TANGO6: variants seen among roughly 807,000 people sequenced by gnomAD.
The protein encoded by TANGO6 is transport and Golgi organization protein 6 homolog.
In TANGO6, 90 loss-of-function variants were observed where a neutral mutation model predicts 114.2. The ratio of observed to expected loss-of-function variants is 0.79; its 90% confidence interval spans 0.66 to 0.94. TANGO6 has a LOEUF of 0.94. TANGO6 is among the 40% of genes least tolerant of loss of function. The pLI, the probability that TANGO6 is intolerant of heterozygous loss-of-function variation, is 0.00. For synonymous variants in TANGO6, 477 were observed against 509.8 expected, an observed-to-expected ratio of 0.94 and a Z score of 0.87; for missense variants, 1,274 against 1,315.3, an observed-to-expected ratio of 0.97 and a Z score of 0.49.
intron 1 of TANGO6, among the ~76,000 whole-genome samples, chr16:68,856,454 G>A (rs1346247329): frequency 6.6e-6 from 1 of 152,174 alleles, no homozygotes; most frequent in Non-Finnish European, 1.5e-5. Flanking sequence ...TGGTAATGAA[G>A]TATTATTCTT....
intron 17 of TANGO6, among the ~76,000 whole-genome samples, chr16:69,043,818 A>G (rs1347963998): frequency 1.3e-5 from 2 of 152,156 alleles, no homozygotes; most frequent in African/African-American, 4.8e-5. Flanking sequence ...ACCATCTCCC[A>G]AGCTATAGAG....
intron 7 of TANGO6, among the ~76,000 whole-genome samples, chr16:68,898,828 C>T (rs866834530): frequency 6.6e-5 from 10 of 152,172 alleles, no homozygotes; most frequent in Middle Eastern, 3.4e-3. Context: ...TATCACTGTC[C>T]ATACTATCAG....
intron 7 of TANGO6, among the ~76,000 whole-genome samples, chr16:68,887,567 A>G (rs1962555563): frequency 6.6e-6 from 1 of 152,126 alleles, no homozygotes; most frequent in South Asian, 2.1e-4. Flanking sequence ...AAAGGGAAGG[A>G]TTGCATATTA....
rs1399688762 is a variant in TANGO6 at position 69,075,811 on chromosome 16, G to A, written c.3109-7674G>A. Among the ~76,000 whole-genome samples the A allele has an allele frequency of 2.7e-5, 4 of 148,782 alleles. No homozygotes were observed. The Admixed American group carries it at 2.7e-4, about 10-fold the overall frequency. ...ACAGAGTCTCACTCTGTGTTACCCG[G>A]ACTGGAGTACAGTGGCTCAGTCTCA... is the stretch of plus-strand genomic sequence containing the variant. On this transcript the variant is annotated intron_variant, in intron 17 of 17. Coordinates refer to ENST00000261778, the MANE Select transcript of TANGO6 (RefSeq NM_024562.2).
At chr16:68,923,870 T>G (rs1381570673) in intron 12 of TANGO6, among the ~76,000 whole-genome samples, 2 of 152,204 alleles carry the variant, frequency 1.3e-5, no homozygotes, top group Non-Finnish European at 2.9e-5. Flanking sequence ...CTCAAAAAGT[T>G]GAAAAACACT....
chr16:68,922,570 A>G (rs894855530), intron 12 of TANGO6, among the ~76,000 whole-genome samples: 8 of 151,922 alleles, frequency 5.3e-5, no homozygotes, highest in Non-Finnish European at 7.4e-5. Flanking sequence ...TTAAAAAAAA[A>G]AAGACTGCTG....
chr16:69,031,294 C>T (rs1038105489), intron 16 of TANGO6, among the ~76,000 whole-genome samples: 11 of 151,954 alleles, frequency 7.2e-5, no homozygotes, highest in African/African-American at 2.7e-4. Context: ...ACCCCCAATA[C>T]CTATCACAGT....
intron 17 of TANGO6, among the ~76,000 whole-genome samples, chr16:69,074,529 TGATA>T (rs1960343643): frequency 6.6e-6 from 1 of 152,136 alleles, no homozygotes; most frequent in Non-Finnish European, 1.5e-5. Flanking sequence ...CAAGGACTTG[TGATA>T]AAGGATTAAT....
chr16:68,926,077 T>G (rs996740117), intron 12 of TANGO6, among the ~76,000 whole-genome samples: 1 of 104,058 alleles, frequency 9.6e-6, no homozygotes, highest in African/African-American at 4.4e-5. Flanking sequence ...AGAAGAGAAA[T>G]TAAAAAAGAG....
At chr16:68,932,773 G>A (rs1963258966) in intron 14 of TANGO6, among the ~76,000 whole-genome samples, 1 of 151,952 alleles carries the variant, frequency 6.6e-6, no homozygotes, top group African/African-American at 2.4e-5. Flanking sequence ...TTGGGCAACA[G>A]AGTGAGACTC....
chr16:68,866,938 A>G (rs1038551166), intron 3 of TANGO6, 141 bp from the exon 4 acceptor site: 1 of 853,644 alleles, frequency 1.2e-6, no homozygotes, highest in Non-Finnish European at 1.7e-6. Flanking sequence ...TCCATCTCTA[A>G]ATAAATAAAT....
chr16:68,973,817 C>G (rs1431400417), intron 14 of TANGO6: 2 of 582,844 alleles, frequency 3.4e-6, no homozygotes, highest in Non-Finnish European at 6.1e-6. Flanking sequence ...TCGTATCAGG[C>G]TGGGACTAGA....
intron 4 of TANGO6, among the ~76,000 whole-genome samples, chr16:68,874,243 G>A (rs899400656): frequency 3.9e-5 from 6 of 152,092 alleles, no homozygotes; most frequent in African/African-American, 1.4e-4. Context: ...TGGCCTCCCT[G>A]AACTCTGAAC....
chr16:68,898,077 G>T (rs549707893), intron 7 of TANGO6, among the ~76,000 whole-genome samples: 1 of 151,948 alleles, frequency 6.6e-6, no homozygotes, highest in South Asian at 2.1e-4. Flanking sequence ...AGGAAGGATG[G>T]CTCCACAGGG....
chr16:68,947,587 CTTTTTTT>C (rs1231636901), intron 14 of TANGO6, among the ~76,000 whole-genome samples: 24 of 118,486 alleles, frequency 2.0e-4, no homozygotes, highest in African/African-American at 2.8e-4. Context: ...TAACCCATCT[CTTTTTTT>C]TTTTTTTTTT....
chr16:69,062,576 G>C (rs1456609738), intron 17 of TANGO6, among the ~76,000 whole-genome samples: 3 of 151,540 alleles, frequency 2.0e-5, no homozygotes, highest in Non-Finnish European at 4.4e-5. Flanking sequence ...GGGTTCAAGC[G>C]ATTCTCCTGC....
At chr16:68,988,809 C>T (rs1002027880) in intron 15 of TANGO6, among the ~76,000 whole-genome samples, 1 of 151,368 alleles carries the variant, frequency 6.6e-6, no homozygotes, top group African/African-American at 2.4e-5. Context: ...AAGTGGTCCT[C>T]CCACCCAGTC....
intron 17 of TANGO6, among the ~76,000 whole-genome samples, chr16:69,061,746 G>T (rs753882647): frequency 6.6e-6 from 1 of 151,982 alleles, no homozygotes; most frequent in South Asian, 2.1e-4. Context: ...GGCCGGGCGC[G>T]CGGTGGCTCA....
chr16:69,017,901 CTTTT>C (rs1018228039), intron 15 of TANGO6, among the ~76,000 whole-genome samples: 5 of 137,192 alleles, frequency 3.6e-5, no homozygotes, highest in Non-Finnish European at 3.2e-5. Flanking sequence ...AGTTGGAAAT[CTTTT>C]TTTTTTTTTT....
Sources: allele counts gnomAD v4.1 joint callset (sites outside exome capture counted in the v4.1 genomes callset), GRCh38; gene constraint gnomAD v4.1.1; transcripts MANE v1.5; gene names NCBI Gene and HGNC (gene_info 2026-07-23, HGNC 2026-07-21).